UBN1: variants seen among roughly 807,000 people sequenced by gnomAD.
UBN1 encodes ubinuclein 1.
Under a neutral mutation model 108.5 loss-of-function variants are expected in UBN1, and 17 were observed. The ratio of observed to expected loss-of-function variants is 0.16; its 90% confidence interval spans 0.11 to 0.24. UBN1 has a LOEUF of 0.24. Among genes scored for constraint, UBN1 ranks in the 10% least tolerant of loss-of-function variants. UBN1 has a pLI of 1.00. For synonymous variants in UBN1, 726 were observed against 564.2 expected (o/e 1.29, Z -4.07); for missense variants, 1,595 against 1,394.4 (o/e 1.14, Z -2.29).
intron 6 of UBN1, 111 bp downstream of exon 6, chr16:4,860,079 C>G (rs916414684): frequency 1.2e-5 from 16 of 1,383,038 alleles, no homozygotes; most frequent in Admixed American, 4.5e-5. Context: ...CAGGGCCTGG[C>G]CTTCCTGTCC....
chr16:4,862,405 A>C (rs1266449641), intron 7 of UBN1, among the ~76,000 whole-genome samples: 2 of 152,224 alleles, frequency 1.3e-5, no homozygotes, highest in African/African-American at 2.4e-5. Flanking sequence ...GAATGTAATG[A>C]TTTAAGTGAA....
chr16:4,871,073 A>G lies in UBN1; in HGVS notation c.1560-82A>G. On this transcript the variant is annotated intron_variant, in intron 11 of 17. Transcript: ENST00000262376. ...AAGGTTAGGCTCATTTACTTTCATC[A>G]GGGCTGCTGAAAGCACATGATTGGA... 4 of 1,602,600 alleles carry G rather than the reference A, an allele frequency of 2.5e-6. No homozygotes were observed. In the East Asian group the frequency reaches 8.9e-5, roughly 36 times the overall value.
At chr16:4,866,880 T>C (rs930917636) in intron 7 of UBN1, among the ~76,000 whole-genome samples, 13 of 152,194 alleles carry the variant, frequency 8.5e-5, no homozygotes, top group African/African-American at 3.1e-4. Context: ...GACAATGGAC[T>C]GTAGTACAGA....
At position 4,877,792 on chromosome 16, in the gene UBN1, T is replaced by G; in HGVS notation, c.3355+318T>G. The G allele has an allele frequency of 2.0e-6, 2 of 1,020,172 alleles. No individual in the cohort carries two copies. The highest frequency in any genetic ancestry group is 1.2e-6 in the Non-Finnish European group (1 of 857,160). The allele number at this position is 1,020,172 out of a possible 1,614,324, so 63.2% of individuals were successfully genotyped here. On this transcript the variant is annotated intron_variant, in intron 17 of 17. Coordinates refer to ENST00000262376, the MANE Select transcript of UBN1 (RefSeq NM_001079514.3). The surrounding 1 kb of genome is among the most constrained non-coding windows in gnomAD (Gnocchi z 4.3). ...TAACCCTCGGCTTGTTTTTTTCTCT[T>G]CAGTTTAAAAAAAAAAAAAAAGGGA...
chr16:4,849,355 A>G (rs9926587), intron 1 of UBN1, among the ~76,000 whole-genome samples: 1 of 152,172 alleles, frequency 6.6e-6, no homozygotes, highest in Non-Finnish European at 1.5e-5. Flanking sequence ...AAACAAAAAC[A>G]AAAACCAAAA....
intron 2 of UBN1, among the ~76,000 whole-genome samples, chr16:4,856,109 C>T (rs1159141824): frequency 6.6e-6 from 1 of 152,162 alleles, no homozygotes; most frequent in Non-Finnish European, 1.5e-5. Context: ...GTATCTTCTT[C>T]CTTTAGAGGA....
rs995291827 is a variant in UBN1, at chr16:4,853,067, C to T, written c.150C>T (p.Thr50=). 8 of 1,614,098 alleles carry T rather than the reference C, an allele frequency of 5.0e-6. No individual in the cohort carries two copies. Among genetic ancestry groups the T allele is most frequent in the East Asian group, 2.2e-5 (1 of 44,900 alleles). The part of the protein sequence containing the change: ...PAAAAVRITL[T]LFEPDHKRCP... ...CAGCAGCTGTTCGGATTACACTCAC[C>T]CTCTTTGAACCAGATCACAAACGCT... The change falls in exon 2 of 18, where the codon ACC becomes ACT. Residue 50 remains threonine, a synonymous_variant. Transcript: ENST00000262376.
rs539483494 is a variant in UBN1, at chr16:4,864,867, A to G, written c.1110+3765A>G. 2.8e-3 allele frequency among the ~76,000 whole-genome samples: 369 copies of G among 132,778 alleles called. 2 individuals are homozygous for G. Among genetic ancestry groups the G allele is most frequent in the African/African-American group, 0.014 (347 of 23,978 alleles). 87.1% of individuals were successfully genotyped at this position (132,778 alleles called of 152,430 possible). Reference sequence around the variant, plus strand: ...GATCCAAAGAGAATAACGTAGGGGGAAAAAAAACGAAAACAACTTGTTTGA... The same window carrying G: ...GATCCAAAGAGAATAACGTAGGGGGGAAAAAAACGAAAACAACTTGTTTGA... On this transcript the variant is annotated intron_variant, in intron 7 of 17. Transcript: ENST00000262376.
rs1457254605 is a variant in UBN1, at chr16:4,882,393, G to GGAA, written c.*2263_*2265dup. On this transcript the variant is annotated 3_prime_UTR_variant, in exon 18 of 18. Transcript: ENST00000262376. ...TCTCACTCTTTTCTTTCTACCATGT[G>GGAA]GAAGTAAGTAGTTCTTCCTGTAGGA... The GGAA allele has an allele frequency of 4.1e-5, 6 of 148,004 alleles. No individual in the cohort carries two copies. Among genetic ancestry groups the GGAA allele is most frequent in the African/African-American group, 1.5e-4 (6 of 39,386 alleles). The allele number at this position is 148,004 out of a possible 1,614,324, so 9.2% of individuals were successfully genotyped here.
At chr16:4,851,889 T>A (rs2086574790) in intron 1 of UBN1, among the ~76,000 whole-genome samples, 1 of 151,920 alleles carries the variant, frequency 6.6e-6, no homozygotes, top group African/African-American at 2.4e-5. Flanking sequence ...AAACAGCAAA[T>A]AACAAAACAA....
intron 8 of UBN1, among the ~76,000 whole-genome samples, chr16:4,869,664 T>C (rs1206496715): frequency 6.6e-6 from 1 of 152,224 alleles, no homozygotes; most frequent in Non-Finnish European, 1.5e-5. Context: ...AGAGAGCACC[T>C]GAGCATTGGT....
chr16:4,855,553 T>A (rs1458395501), intron 2 of UBN1, among the ~76,000 whole-genome samples: 1 of 147,612 alleles, frequency 6.8e-6, no homozygotes, highest in East Asian at 2.0e-4. Flanking sequence ...GAGGTCAAGG[T>A]TGCAGTGAGC....
chr16:4,864,980 T>C (rs1290136281), intron 7 of UBN1, among the ~76,000 whole-genome samples: 3 of 152,232 alleles, frequency 2.0e-5, no homozygotes, highest in Non-Finnish European at 4.4e-5. Context: ...GCTAAAAGGC[T>C]ACAGGTGACT....
chr16:4,851,353 G>C (rs1328704056), intron 1 of UBN1, among the ~76,000 whole-genome samples: 2 of 152,170 alleles, frequency 1.3e-5, no homozygotes, highest in Admixed American at 6.6e-5. Context: ...GGGAGGCTGA[G>C]GTAGGAGGAT....
rs576533000 is a variant in UBN1 at position 4,849,397 on chromosome 16, C to T, written c.-40+1187C>T. Among the ~76,000 whole-genome samples the T allele has an allele frequency of 2.0e-5, 3 of 152,146 alleles. No homozygotes were observed. In the South Asian group the frequency reaches 6.2e-4, roughly 32 times the overall value. ...TTAAAATAAGAATTCAGGAAGGGTA[C>T]TCATTATAAGTTGGAATGCACAATT... is the stretch of plus-strand genomic sequence containing the variant. On this transcript the variant is annotated intron_variant, in intron 1 of 17. Coordinates refer to ENST00000262376, the MANE Select transcript of UBN1 (RefSeq NM_001079514.3).
chr16:4,848,531 A>G (rs1488030643), intron 1 of UBN1: 2 of 152,154 alleles, frequency 1.3e-5, no homozygotes, highest in African/African-American at 4.8e-5. Context: ...GCATTTCCCC[A>G]AGGCATTGTG....
Position 4,853,134 on chromosome 16 carries a change from G to C in UBN1, c.217G>C (p.Gly73Arg). Residue 73 changes from glycine (G) to arginine (R), a missense_variant, in exon 2 of 18, where the codon GGG becomes CGG. Gly to Arg is a moderately radical substitution (Grantham distance 125). Transcript: ENST00000262376. ...CCCAGAGCTGGTGAAGAATATCCGAGGGAAGGTAAAAGGCCTTCAGCCTGG... is the reference window on the plus strand; with the variant it reads ...CCCAGAGCTGGTGAAGAATATCCGACGGAAGGTAAAAGGCCTTCAGCCTGG... ...FYPELVKNIRGKVKGLQPGDK... is the reference protein window; with the variant it reads ...FYPELVKNIRRKVKGLQPGDK... The C allele has an allele frequency of 1.9e-6, 3 of 1,614,218 alleles. No individual in the cohort carries two copies. Among genetic ancestry groups the C allele is most frequent in the Non-Finnish European group, 2.5e-6 (3 of 1,180,042 alleles).
At position 4,875,378 on chromosome 16, in the gene UBN1, T is replaced by A; in HGVS notation, c.2968T>A (p.Ser990Thr). 1 of 1,614,150 alleles carries A rather than the reference T, an allele frequency of 6.2e-7. No homozygotes were observed. Among genetic ancestry groups the A allele is most frequent in the Non-Finnish European group, 8.5e-7 (1 of 1,180,028 alleles). ...CCAGGGAGTGGCAAAGTTGCTGACC[T>A]CGCCGTCCCTAAAGCCCTCTGCAGT... ...GTQGVAKLLT[S>T]PSLKPSAVSS... Residue 990 changes from serine to threonine, a missense_variant, in exon 15 of 18, where the codon TCG (serine) becomes ACG (threonine). Transcript: ENST00000262376.
chr16:4,860,619 G>A (rs1567907226), intron 6 of UBN1, 45 bp from the exon 7 acceptor site: 3 of 1,555,882 alleles, frequency 1.9e-6, no homozygotes, highest in Non-Finnish European at 8.6e-7. Flanking sequence ...GTTCCCTTTG[G>A]AGGTGTCCTA....
Sources: allele counts gnomAD v4.1 joint callset (sites outside exome capture counted in the v4.1 genomes callset), GRCh38; gene constraint gnomAD v4.1.1; non-coding constraint Gnocchi (gnomAD v3.1); transcripts MANE v1.5; gene names NCBI Gene and HGNC (gene_info 2026-07-23, HGNC 2026-07-21).